The following RELL1 variants were observed in gnomAD, a reference collection of about 807,000 sequenced individuals.
RELL1 encodes the protein RELT-like protein 1.
In RELL1, 10 loss-of-function variants were observed where a neutral mutation model predicts 23.0. The observed-to-expected ratio is 0.43, with a 90% CI of 0.27 to 0.74. The LOEUF is 0.74. Ranked by LOEUF, RELL1 falls within the 30% of genes least tolerant of loss-of-function variation. The pLI, the probability that RELL1 is intolerant of heterozygous loss-of-function variation, is 0.19. For missense variants in RELL1, 315 were observed against 364.4 expected (o/e 0.86, Z 1.10); for synonymous variants, 146 against 146.8 (o/e 0.99, Z 0.04).
At chr4:37,635,174 C>T (rs750529656) in intron 4 of RELL1, 51 bp from the exon 5 acceptor site, 16 of 1,391,014 alleles carry the variant, frequency 1.2e-5, no homozygotes, top group Admixed American at 1.0e-4. Context: ...GAAATATCAG[C>T]GAAGGTGATC....
In RELL1 at chr4:37,638,560, C is replaced by T; in HGVS notation, c.386-56G>A. On this transcript the variant is annotated intron_variant, in intron 3 of 6. Coordinates refer to ENST00000454158, the MANE Select transcript of RELL1 (RefSeq NM_001085400.2). ...AAATAGAATGAATAAGATGAGTAAT[C>T]ACATCAGAAAAGCTGTTGAAAACAC... The T allele has an allele frequency of 2.3e-6, 3 of 1,328,198 alleles. No homozygotes were observed. The East Asian group carries it at 7.4e-5, about 33-fold the overall frequency. The allele number at this position is 1,328,198 out of a possible 1,614,324, so 82.3% of individuals were successfully genotyped here. A position where few individuals can be genotyped will look rare whatever the true frequency, so the allele number is the denominator to read the frequency against.
intron 6 of RELL1, among the ~76,000 whole-genome samples, chr4:37,615,089 C>A (rs1719532767): frequency 1.3e-5 from 2 of 152,126 alleles, no homozygotes; most frequent in African/African-American, 4.8e-5. Context: ...ATGAGATGAT[C>A]CTATGCACAA....
chr4:37,620,730 T>C (rs774102443), intron 6 of RELL1, among the ~76,000 whole-genome samples: 1 of 152,226 alleles, frequency 6.6e-6, no homozygotes, highest in Non-Finnish European at 1.5e-5. Context: ...AAATGGACAA[T>C]ACTGCTATTA....
chr4:37,610,175 T>C (rs919864350), downstream of RELL1, among the ~76,000 whole-genome samples: 20 of 152,146 alleles, frequency 1.3e-4, no homozygotes, highest in African/African-American at 4.6e-4. The surrounding 1 kb of genome is among the most constrained non-coding windows in gnomAD (Gnocchi z 4.1). Flanking sequence ...GCCTTCAACA[T>C]TGAGGCAAGA....
downstream of RELL1, among the ~76,000 whole-genome samples, chr4:37,587,675 T>G (rs1718398060): frequency 6.6e-6 from 1 of 152,164 alleles, no homozygotes; most frequent in African/African-American, 2.4e-5. Flanking sequence ...GCTTGTCTTT[T>G]TAAAGGCTGT....
At chr4:37,655,125 C>T (rs765713605) in intron 1 of RELL1, among the ~76,000 whole-genome samples, 2 of 152,072 alleles carry the variant, frequency 1.3e-5, no homozygotes, top group Non-Finnish European at 1.5e-5. Flanking sequence ...TTTTGCCTCC[C>T]GGTTCTGTGA....
chr4:37,592,510 G>A (rs552798496), intron 6 of RELL1, among the ~76,000 whole-genome samples: 7 of 152,248 alleles, frequency 4.6e-5, no homozygotes, highest in African/African-American at 1.7e-4. Flanking sequence ...GCCCTCTCTG[G>A]ATTTCAGCCT....
Position 37,686,374 on chromosome 4 carries a change from A to AGTGGC in RELL1, c.-88_-87insGCCAC. On this transcript the variant is annotated 5_prime_UTR_variant, in exon 1 of 7. Transcript: ENST00000454158. ...CGCTCCGGAGCCGGCGGGCTGATCG[A>AGTGGC]GTGGCTGGGCTGGGCCCCAGGGAGC... 1 of 1,092,030 alleles carries AGTGGC rather than the reference A, an allele frequency of 9.2e-7. No homozygotes were observed. Among genetic ancestry groups the AGTGGC allele is most frequent in the South Asian group, 1.8e-5 (1 of 56,892 alleles). The allele number at this position is 1,092,030 out of a possible 1,614,324, so 67.6% of individuals were successfully genotyped here. A position where few individuals can be genotyped will look rare whatever the true frequency, so the allele number is the denominator to read the frequency against.
intron 1 of RELL1, among the ~76,000 whole-genome samples, chr4:37,654,271 A>C (rs1721048016): frequency 2.0e-5 from 3 of 152,356 alleles, no homozygotes; most frequent in East Asian, 1.9e-4. Context: ...TGCATTAGCC[A>C]CATCTCAAGT....
chr4:37,669,829 C>A (rs1163689488), intron 1 of RELL1, among the ~76,000 whole-genome samples: 1 of 151,662 alleles, frequency 6.6e-6, no homozygotes, highest in Non-Finnish European at 1.5e-5. Flanking sequence ...TAAACAGACG[C>A]TTGAAGGCAG....
chr4:37,681,442 G>A (rs1459335367), intron 1 of RELL1, among the ~76,000 whole-genome samples: 2 of 151,426 alleles, frequency 1.3e-5, no homozygotes, highest in African/African-American at 4.9e-5. Flanking sequence ...GACAGGTGTT[G>A]GCACAATGCC....
intron 1 of RELL1, among the ~76,000 whole-genome samples, chr4:37,669,085 C>T (rs1156553701): frequency 1.5e-5 from 2 of 134,232 alleles, no homozygotes; most frequent in Admixed American, 7.0e-5. Context: ...TGGCCAGCCG[C>T]CCCGTCTGGG....
intron 6 of RELL1, among the ~76,000 whole-genome samples, chr4:37,600,550 A>G (rs1718988770): frequency 6.6e-6 from 1 of 152,200 alleles, no homozygotes; most frequent in South Asian, 2.1e-4. Flanking sequence ...TAACAATTGT[A>G]GAACACACGG....
intron 6 of RELL1, among the ~76,000 whole-genome samples, chr4:37,597,308 C>T (rs1278089090): frequency 6.6e-6 from 1 of 152,182 alleles, no homozygotes; most frequent in Non-Finnish European, 1.5e-5. Flanking sequence ...TCTCCCTAAT[C>T]AAAACTACAC....
intron 3 of RELL1, among the ~76,000 whole-genome samples, chr4:37,643,243 G>A (rs1001118932): frequency 1.3e-5 from 2 of 152,128 alleles, no homozygotes; most frequent in African/African-American, 4.8e-5. Flanking sequence ...TGTCAGAAGT[G>A]TTGTGTGAGG....
At position 37,669,181 on chromosome 4, in the gene RELL1, TGGGG is replaced by T. The variant is rs533323150; in HGVS notation, c.88+17015_88+17018del. ...CCAGCCGCCCCGTCCGGGAGGGAGGTGGGGGGGGGGGTCAGCCCCCTGCCTGGCC... is the reference window on the plus strand; with the variant it reads ...CCAGCCGCCCCGTCCGGGAGGGAGGTGGGGGGGTCAGCCCCCTGCCTGGCC... On this transcript the variant is annotated intron_variant, in intron 1 of 6. Coordinates refer to ENST00000454158, the MANE Select transcript of RELL1 (RefSeq NM_001085400.2). 6.2e-5 allele frequency among the ~76,000 whole-genome samples: 5 copies of T among 80,972 alleles called. 1 individual carries two copies. The highest frequency in any genetic ancestry group is 3.5e-4 in the East Asian group (1 of 2,822). 53.1% of individuals were successfully genotyped at this position (80,972 alleles called of 152,430 possible). A position where few individuals can be genotyped will look rare whatever the true frequency, so the allele number is the denominator to read the frequency against.
At chr4:37,657,437 G>A (rs1721161810) in intron 1 of RELL1, among the ~76,000 whole-genome samples, 1 of 152,128 alleles carries the variant, frequency 6.6e-6, no homozygotes, top group Non-Finnish European at 1.5e-5. Context: ...TTTTTTAAGT[G>A]GATGAAACCA....
chr4:37,686,342 G>T lies in RELL1; in HGVS notation c.-55C>A, dbSNP rs1054220423. The T allele has an allele frequency of 7.4e-7, 1 of 1,354,530 alleles. No individual in the cohort carries two copies. Among genetic ancestry groups the T allele is most frequent in the African/African-American group, 1.5e-5 (1 of 65,418 alleles). The allele number at this position is 1,354,530 out of a possible 1,614,324, so 83.9% of individuals were successfully genotyped here. A position where few individuals can be genotyped will look rare whatever the true frequency, so the allele number is the denominator to read the frequency against. ...GGCGCCGCGTCCCGCGCTCGGGAAG[G>T]CAGAGCCGCTCCGGAGCCGGCGGGC... On this transcript the variant is annotated 5_prime_UTR_variant, in exon 1 of 7. Coordinates refer to ENST00000454158, the MANE Select transcript of RELL1 (RefSeq NM_001085400.2).
Position 37,599,815 on chromosome 4 carries a change from CCCACCCATGAA to C in RELL1, c.*4-8609_*4-8599del, listed in dbSNP as rs1718968441. ...GAGGCAGATCCAGGGGCCATATGTC[CCCACCCATGAA>C]CCACCCCTACATAGCTTAAGATTCC... On this transcript the variant is annotated intron_variant, in intron 6 of 6. Transcript: ENST00000314117. Among the ~76,000 whole-genome samples, 5 of 152,252 alleles carry C rather than the reference CCCACCCATGAA, an allele frequency of 3.3e-5. No homozygotes were observed. The East Asian group carries it at 7.7e-4, about 24-fold the overall frequency.
Sources: gnomAD v4.1 joint callset for allele counts (sites outside exome capture counted in the v4.1 genomes callset) on GRCh38, gnomAD v4.1.1 for gene constraint, Gnocchi (gnomAD v3.1) non-coding constraint, MANE v1.5 for transcripts, NCBI Gene and HGNC (gene_info 2026-07-23, HGNC 2026-07-21) for gene names.